Variants in CNTNAP5 observed in about 807,000 individuals in gnomAD.
The protein encoded by CNTNAP5 is contactin associated protein family member 5, also known as contactin-associated protein-like 5.
CNTNAP5 carries 72 observed loss-of-function variants against 150.2 expected under a neutral mutation model. The ratio of observed to expected loss-of-function variants is 0.48; its 90% confidence interval spans 0.40 to 0.58. The LOEUF is 0.58. Among genes scored for constraint, CNTNAP5 ranks in the 20% least tolerant of loss-of-function variants. The pLI is 0.00. For synonymous variants in CNTNAP5, 672 were observed against 619.8 expected (o/e 1.08, Z -1.25); for missense variants, 1,636 against 1,626.2 (o/e 1.01, Z -0.10).
At chr2:124,390,952 G>A (rs530189524) in intron 3 of CNTNAP5, among the ~76,000 whole-genome samples, 16 of 152,324 alleles carry the variant, frequency 1.1e-4, no homozygotes, top group Admixed American at 2.6e-4. Flanking sequence ...AAGTATTTGC[G>A]TTAGACATGG....
chr2:124,299,894 G>A (rs989715238), intron 3 of CNTNAP5, among the ~76,000 whole-genome samples: 3 of 152,136 alleles, frequency 2.0e-5, no homozygotes, highest in Non-Finnish European at 2.9e-5. Context: ...TAATGGATGT[G>A]TTACCCTAGC....
intron 11 of CNTNAP5, among the ~76,000 whole-genome samples, chr2:124,577,952 G>A (rs1451320747): frequency 2.0e-5 from 3 of 152,050 alleles, no homozygotes; most frequent in Non-Finnish European, 4.4e-5. Flanking sequence ...CCAGAGTTCA[G>A]AGAACAGAAC....
intron 3 of CNTNAP5, among the ~76,000 whole-genome samples, chr2:124,408,240 C>A (rs1291640607): frequency 6.7e-6 from 1 of 149,360 alleles, no homozygotes; most frequent in Non-Finnish European, 1.5e-5. Flanking sequence ...CCTACGCCCA[C>A]GGAGTCTCGC....
At chr2:124,230,936 G>A (rs1686601579) in intron 2 of CNTNAP5, among the ~76,000 whole-genome samples, 1 of 152,002 alleles carries the variant, frequency 6.6e-6, no homozygotes, top group South Asian at 2.1e-4. Flanking sequence ...TTCCTTTCTT[G>A]TGTCCTGTCC....
At chr2:124,719,062 G>A (rs185351921) in intron 13 of CNTNAP5, among the ~76,000 whole-genome samples, 3 of 152,232 alleles carry the variant, frequency 2.0e-5, no homozygotes, top group Admixed American at 2.0e-4. Flanking sequence ...CCTCTTCAAT[G>A]GAAGAGGCAG....
At chr2:124,477,315 A>G (rs549110672) in intron 7 of CNTNAP5, among the ~76,000 whole-genome samples, 39 of 152,272 alleles carry the variant, frequency 2.6e-4, no homozygotes, top group African/African-American at 8.7e-4. Context: ...AATATAATCT[A>G]TAAGAATTTT....
intron 13 of CNTNAP5, among the ~76,000 whole-genome samples, chr2:124,677,719 T>A (rs144082038): frequency 0.047 from 7,121 of 151,352 alleles, 265 homozygotes; most frequent in South Asian, 0.097. Flanking sequence ...CTGATTGGTG[T>A]GGTTTTACAG....
At chr2:124,494,295 G>A (rs1694100503) in intron 7 of CNTNAP5, among the ~76,000 whole-genome samples, 1 of 152,078 alleles carries the variant, frequency 6.6e-6, no homozygotes, top group South Asian at 2.1e-4. Flanking sequence ...ACCCAAGGGG[G>A]TGGGGTGCAC....
intron 12 of CNTNAP5, among the ~76,000 whole-genome samples, chr2:124,633,272 G>A: frequency 6.6e-6 from 1 of 152,182 alleles, no homozygotes; most frequent in East Asian, 1.9e-4. Flanking sequence ...CTATGAGCCT[G>A]TAAAATGAAA....
rs746851183 is a variant in CNTNAP5, at chr2:124,524,350, A to T, written c.1375A>T (p.Arg459Trp). The T allele has an allele frequency of 6.8e-6, 11 of 1,613,788 alleles. No homozygotes were observed. Among genetic ancestry groups the T allele is most frequent in the Admixed American group, 5.0e-5 (3 of 59,994 alleles). The change falls in exon 9 of 24, where the codon AGG becomes TGG. Residue 459 changes from arginine to tryptophan, a missense_variant. Coordinates refer to ENST00000682447, the MANE Select transcript of CNTNAP5 (RefSeq NM_001367498.1). ...GTGGCACTCGGTTAGCATCAACGCC[A>T]GGAGGAACCGCATCACGCTCACTCT... ...GLWHSVSINA[R>W]RNRITLTLDD... is the part of the protein sequence containing the mutation.
At chr2:124,750,217 G>A (rs1216492783) in intron 14 of CNTNAP5, among the ~76,000 whole-genome samples, 1 of 152,112 alleles carries the variant, frequency 6.6e-6, no homozygotes, top group Non-Finnish European at 1.5e-5. Context: ...ATTAGATAAG[G>A]TCCTGTTCAA....
chr2:124,785,940 G>A (rs542955704), intron 17 of CNTNAP5, among the ~76,000 whole-genome samples: 23 of 152,208 alleles, frequency 1.5e-4, no homozygotes, highest in African/African-American at 5.1e-4. Flanking sequence ...TCCAGGCATA[G>A]AAAGAAGCAG....
intron 12 of CNTNAP5, among the ~76,000 whole-genome samples, chr2:124,621,059 G>T (rs1050588153): frequency 2.6e-5 from 4 of 151,992 alleles, no homozygotes; most frequent in Non-Finnish European, 5.9e-5. Flanking sequence ...GAATTATAAG[G>T]GTGAGGCACC....
At chr2:124,695,626 G>A (rs72845901) in intron 13 of CNTNAP5, among the ~76,000 whole-genome samples, 3,938 of 152,204 alleles carry the variant, frequency 0.026, 71 homozygotes, top group Middle Eastern at 0.041. Context: ...AACTTAAGTG[G>A]GATGCAAAGG....
intron 1 of CNTNAP5, among the ~76,000 whole-genome samples, chr2:124,188,735 A>AAAAAAAAAAC: frequency 6.6e-6 from 1 of 151,036 alleles, no homozygotes; most frequent in African/African-American, 2.4e-5. Context: ...AAAAAAAAAA[A>AAAAAAAAAAC]AAAGACAGGA....
At chr2:124,351,531 A>C in intron 3 of CNTNAP5, among the ~76,000 whole-genome samples, 1 of 152,210 alleles carries the variant, frequency 6.6e-6, no homozygotes, top group African/African-American at 2.4e-5. Flanking sequence ...CAGTTGGCAT[A>C]TTGAAGAAGC....
intron 3 of CNTNAP5, among the ~76,000 whole-genome samples, chr2:124,411,054 G>A (rs1385945465): frequency 1.3e-5 from 2 of 152,100 alleles, no homozygotes; most frequent in Non-Finnish European, 2.9e-5. Flanking sequence ...GGATATCACT[G>A]CCGATCCCAC....
At chr2:124,812,482 C>T (rs553290024) in intron 19 of CNTNAP5, among the ~76,000 whole-genome samples, 243 of 152,120 alleles carry the variant, frequency 1.6e-3, no homozygotes, top group Middle Eastern at 0.01. Context: ...ATACCCTCCC[C>T]ACTTTTGGAA....
chr2:124,032,598 C>T (rs1177986846), intron 1 of CNTNAP5, among the ~76,000 whole-genome samples: 1 of 151,812 alleles, frequency 6.6e-6, no homozygotes, highest in East Asian at 1.9e-4. Flanking sequence ...AAAATAATGG[C>T]CAAGTAAATT....
Sources: gnomAD v4.1 joint callset for allele counts (sites outside exome capture counted in the v4.1 genomes callset) on GRCh38, gnomAD v4.1.1 for gene constraint, MANE v1.5 for transcripts, NCBI Gene and HGNC (gene_info 2026-07-23, HGNC 2026-07-21) for gene names.